Variants in SORCS3 observed in about 807,000 individuals in gnomAD.
SORCS3 encodes sortilin related VPS10 domain containing receptor 3.
A neutral mutation model predicts 146.3 loss-of-function variants in SORCS3; 57 were observed. The observed-to-expected ratio is 0.39, with a 90% CI of 0.31 to 0.49. The LOEUF (loss-of-function observed/expected upper bound fraction) is 0.49, where lower values mean the gene tolerates loss of function less well. SORCS3 is among the 20% of genes least tolerant of loss of function. The pLI, the probability that SORCS3 is intolerant of heterozygous loss-of-function variation, is 0.92. For missense variants in SORCS3, 1,341 were observed against 1,575.5 expected (o/e 0.85, Z 2.52); for synonymous variants, 653 against 618.5 (o/e 1.06, Z -0.83).
chr10:105,177,917 A>G lies in SORCS3; in HGVS notation c.1902-149A>G, dbSNP rs532605391. ...AGTTTTGATCAAATCTCATAATAAT[A>G]TGGGGAGATGTTGAAGATTAAAACC... is the stretch of plus-strand genomic sequence containing the variant. On this transcript the variant is annotated intron_variant, in intron 13 of 26. Transcript: ENST00000369701. 2.1e-5 allele frequency: 13 copies of G among 620,808 alleles called. No individual in the cohort carries two copies. In the East Asian group the frequency reaches 3.5e-4, roughly 17 times the overall value. 38.5% of individuals were successfully genotyped at this position (620,808 alleles called of 1,614,324 possible). A position where few individuals can be genotyped will look rare whatever the true frequency, so the allele number is the denominator to read the frequency against.
intron 1 of SORCS3, among the ~76,000 whole-genome samples, chr10:104,841,455 C>G (rs1489735574): frequency 1.3e-5 from 2 of 152,134 alleles, no homozygotes. Context: ...TGCCAACCTG[C>G]CATTCCTCAT....
At chr10:105,261,264 C>T (rs1214436659) in intron 25 of SORCS3, among the ~76,000 whole-genome samples, 4 of 152,162 alleles carry the variant, frequency 2.6e-5, no homozygotes, top group African/African-American at 7.2e-5. Flanking sequence ...CAGGGGAAGC[C>T]TCTCAGAGAC....
At chr10:104,642,045 G>C (rs2133231626) in intron 1 of SORCS3, 91 bp downstream of exon 1, 1 of 1,400,080 alleles carries the variant, frequency 7.1e-7, no homozygotes, top group East Asian at 2.6e-5. Flanking sequence ...ATAGTTGCTC[G>C]GGGGTCGAGG....
At chr10:105,036,108 T>G (rs1266373834) in intron 4 of SORCS3, among the ~76,000 whole-genome samples, 1 of 152,208 alleles carries the variant, frequency 6.6e-6, no homozygotes, top group Non-Finnish European at 1.5e-5. Flanking sequence ...AAGTGAATGG[T>G]ACTTTTGTAG....
intron 1 of SORCS3, among the ~76,000 whole-genome samples, chr10:104,785,080 A>ACCC (rs759206919): frequency 3.0e-3 from 371 of 122,866 alleles, no homozygotes; most frequent in Middle Eastern, 8.1e-3. Context: ...AGGGGGGCTG[A>ACCC]CCCCCCCCCA....
At chr10:104,922,642 T>A (rs1490259962) in intron 3 of SORCS3, among the ~76,000 whole-genome samples, 1 of 152,226 alleles carries the variant, frequency 6.6e-6, no homozygotes, top group Non-Finnish European at 1.5e-5. Flanking sequence ...TAAAGATATT[T>A]TTCTATATAG....
intron 5 of SORCS3, among the ~76,000 whole-genome samples, chr10:105,048,829 A>G (rs891125622): frequency 1.3e-5 from 2 of 152,082 alleles, no homozygotes; most frequent in African/African-American, 4.8e-5. Flanking sequence ...TAGCCTAAAT[A>G]TATACATGTG....
intron 1 of SORCS3, among the ~76,000 whole-genome samples, chr10:104,836,495 G>T (rs2018069221): frequency 6.6e-6 from 1 of 152,114 alleles, no homozygotes; most frequent in African/African-American, 2.4e-5. Flanking sequence ...CTAGCTGCTT[G>T]GGGACAAGAA....
intron 19 of SORCS3, among the ~76,000 whole-genome samples, chr10:105,222,887 A>T (rs891098270): frequency 1.3e-5 from 2 of 152,226 alleles, no homozygotes; most frequent in Non-Finnish European, 2.9e-5. Context: ...TATCAGATGT[A>T]AATTTAGTTC....
rs1027818985 is a variant in SORCS3, at chr10:104,687,755, C to T, written c.627+45801C>T. On this transcript the variant is annotated intron_variant, in intron 1 of 26. Transcript: ENST00000369701. ...AGCGGAGGGCTGGAAGGCACAGGCT[C>T]TGGAGTCTGACTCTGGTAGTTCCAG... 2.6e-5 allele frequency among the ~76,000 whole-genome samples: 4 copies of T among 152,126 alleles called. 1 individual carries two copies. Among genetic ancestry groups the T allele is most frequent in the South Asian group, 4.1e-4 (2 of 4,828 alleles).
chr10:104,745,151 G>A (rs1446745554), intron 1 of SORCS3, among the ~76,000 whole-genome samples: 1 of 152,160 alleles, frequency 6.6e-6, no homozygotes, highest in Non-Finnish European at 1.5e-5. Flanking sequence ...TTGCGAGTTT[G>A]AAGGTTTGAA....
intron 3 of SORCS3, among the ~76,000 whole-genome samples, chr10:104,945,595 T>C (rs2019362484): frequency 6.7e-6 from 1 of 149,986 alleles, no homozygotes; most frequent in South Asian, 2.1e-4. Flanking sequence ...ATCATGGAAG[T>C]GAATACATAG....
intron 5 of SORCS3, among the ~76,000 whole-genome samples, chr10:105,053,693 C>T (rs903571150): frequency 1.3e-5 from 2 of 151,790 alleles, no homozygotes; most frequent in African/African-American, 4.8e-5. Context: ...TCTCCTGTGC[C>T]ATCCTCTACT....
intron 7 of SORCS3, among the ~76,000 whole-genome samples, chr10:105,125,706 C>CACACACACACACAA (rs2055969015): frequency 6.6e-6 from 1 of 151,846 alleles, no homozygotes. Context: ...CACACACACA[C>CACACACACACACAA]ACAAAACAGG....
chr10:105,002,709 A>G (rs1158832163), intron 4 of SORCS3, among the ~76,000 whole-genome samples: 4 of 152,248 alleles, frequency 2.6e-5, no homozygotes, highest in Non-Finnish European at 4.4e-5. Context: ...AGAAAGTTCT[A>G]CTGGACAGTG....
At position 104,696,224 on chromosome 10, in the gene SORCS3, ATAATATATATCATATACACATATG is replaced by A. The variant is rs1564661016; in HGVS notation, c.627+54271_627+54294del. 2.8e-4 allele frequency among the ~76,000 whole-genome samples: 35 copies of A among 127,250 alleles called. 2 individuals carry two copies. The highest frequency in any genetic ancestry group is 9.5e-4 in the African/African-American group (31 of 32,536). The allele number at this position is 127,250 out of a possible 152,430, so 83.5% of individuals were successfully genotyped here. A position where few individuals can be genotyped will look rare whatever the true frequency, so the allele number is the denominator to read the frequency against. Reference sequence around the variant, plus strand: ...TATAATATATATCATATACACATATATAATATATATCATATACACATATGATATATGATATATATCATATACACA... The same window carrying A: ...TATAATATATATCATATACACATATAATATATGATATATATCATATACACA... On this transcript the variant is annotated intron_variant, in intron 1 of 26. Transcript: ENST00000369701.
At chr10:104,727,369 T>C (rs2133450308) in intron 1 of SORCS3, among the ~76,000 whole-genome samples, 1 of 152,284 alleles carries the variant, frequency 6.6e-6, no homozygotes, top group Non-Finnish European at 1.5e-5. Flanking sequence ...AAACCCACTA[T>C]CCAGAAATAC....
At chr10:105,037,317 G>A (rs148247387) in intron 4 of SORCS3, among the ~76,000 whole-genome samples, 3 of 152,132 alleles carry the variant, frequency 2.0e-5, no homozygotes, top group East Asian at 3.9e-4. Flanking sequence ...CCTGGCAGGG[G>A]GTGTGAGATG....
intron 7 of SORCS3, among the ~76,000 whole-genome samples, chr10:105,131,213 G>A (rs980114322): frequency 2.0e-5 from 3 of 152,138 alleles, no homozygotes; most frequent in African/African-American, 7.2e-5. Flanking sequence ...CTGAATTAAT[G>A]AGCAAAGGAA....
Sources: allele counts gnomAD v4.1 joint callset (sites outside exome capture counted in the v4.1 genomes callset), GRCh38; gene constraint gnomAD v4.1.1; transcripts MANE v1.5; gene names NCBI Gene and HGNC (gene_info 2026-07-23, HGNC 2026-07-21).